MYT1L: variants seen among roughly 807,000 people sequenced by gnomAD.
MYT1L encodes the protein myelin transcription factor 1-like protein.
MYT1L carries 12 observed loss-of-function variants against 126.7 expected under a neutral mutation model. That is an observed-to-expected ratio of 0.09 (90% CI 0.06 to 0.15). The LOEUF is 0.15. Ranked by LOEUF, MYT1L falls within the 10% of genes least tolerant of loss-of-function variation. The probability of loss-of-function intolerance (pLI) is 1.00; values close to 1 mark genes in which losing one functional copy is unlikely to be tolerated. For synonymous variants in MYT1L, 541 were observed against 604.2 expected (o/e 0.90, Z 1.53); for missense variants, 979 against 1,585.2 (o/e 0.62, Z 6.49).
At chr2:2,122,189 C>T (rs575421615) in intron 3 of MYT1L, among the ~76,000 whole-genome samples, 4 of 152,300 alleles carry the variant, frequency 2.6e-5, no homozygotes, top group South Asian at 2.1e-4. Flanking sequence ...GTGTGGGCAC[C>T]GGCTCCAGAC....
chr2:2,198,880 A>C (rs548968454), intron 2 of MYT1L, among the ~76,000 whole-genome samples: 1 of 152,146 alleles, frequency 6.6e-6, no homozygotes, highest in Non-Finnish European at 1.5e-5. Flanking sequence ...TAATAAAAAT[A>C]CCATAGACCA....
rs539702096 is a variant in MYT1L, at chr2:2,246,431, C to T, written c.-421+37973G>A. Among the ~76,000 whole-genome samples, 6 of 152,156 alleles carry T rather than the reference C, an allele frequency of 3.9e-5. No individual in the cohort carries two copies. The South Asian group carries it at 8.3e-4, about 21-fold the overall frequency. On this transcript the variant is annotated intron_variant, in intron 2 of 24. Coordinates refer to ENST00000647738, the MANE Select transcript of MYT1L (RefSeq NM_001303052.2). ...TGTGGCTGAAATGAGCTGTGTGTGC[C>T]GCAATGGAACACCATGAGACGGGTA...
At chr2:2,134,697 T>C (rs2082816180) in intron 3 of MYT1L, among the ~76,000 whole-genome samples, 2 of 152,180 alleles carry the variant, frequency 1.3e-5, no homozygotes, top group Admixed American at 6.5e-5. Flanking sequence ...ACAACAGATT[T>C]GCCAGCACTT....
intron 19 of MYT1L, among the ~76,000 whole-genome samples, chr2:1,845,825 A>G (rs1163274155): frequency 6.6e-6 from 1 of 152,226 alleles, no homozygotes; most frequent in Non-Finnish European, 1.5e-5. Flanking sequence ...ACTGTTGCCA[A>G]ACTGAATTAT....
At position 2,164,314 on chromosome 2, in the gene MYT1L, T is replaced by C. The variant is rs141457623; in HGVS notation, c.-304+8558A>G. Among the ~76,000 whole-genome samples, 31 of 152,346 alleles carry C rather than the reference T, an allele frequency of 2.0e-4. 2 individuals are homozygous for C. Among genetic ancestry groups the C allele is most frequent in the African/African-American group, 6.7e-4 (28 of 41,580 alleles). ...CTTCCTTCCTGTGGTTTTACTTTTT[T>C]AGGTCTTTTAAGTATTCCCTTGGAA... On this transcript the variant is annotated intron_variant, in intron 3 of 24. Coordinates refer to ENST00000647738, the MANE Select transcript of MYT1L (RefSeq NM_001303052.2).
At chr2:2,078,400 GAAAC>G (rs764244614) in intron 3 of MYT1L, among the ~76,000 whole-genome samples, 52 of 152,156 alleles carry the variant, frequency 3.4e-4, no homozygotes, top group African/African-American at 9.6e-4. Flanking sequence ...GAATAGATTT[GAAAC>G]AAACAAACAA....
At chr2:2,151,633 C>T (rs1336628117) in intron 3 of MYT1L, among the ~76,000 whole-genome samples, 4 of 152,298 alleles carry the variant, frequency 2.6e-5, no homozygotes, top group South Asian at 2.1e-4. Context: ...CATAAAATCT[C>T]GGATAGTACC....
chr2:2,207,873 C>T (rs1390560915), intron 2 of MYT1L, among the ~76,000 whole-genome samples: 1 of 152,180 alleles, frequency 6.6e-6, no homozygotes, highest in Non-Finnish European at 1.5e-5. Flanking sequence ...AGCACCTACA[C>T]CAGGAACCTG....
chr2:2,022,919 C>T (rs955242388), intron 4 of MYT1L, among the ~76,000 whole-genome samples: 7 of 152,204 alleles, frequency 4.6e-5, no homozygotes, highest in Non-Finnish European at 1.0e-4. Flanking sequence ...GCCACAGATA[C>T]TCAGAGGCCA....
chr2:2,191,609 T>C (rs1351010199), intron 2 of MYT1L, among the ~76,000 whole-genome samples: 3 of 152,186 alleles, frequency 2.0e-5, no homozygotes, highest in East Asian at 1.9e-4. Flanking sequence ...GGTGTGCATG[T>C]GGACAGTTGG....
chr2:2,179,400 C>G (rs972724574), intron 2 of MYT1L, among the ~76,000 whole-genome samples: 1 of 152,202 alleles, frequency 6.6e-6, no homozygotes, highest in Non-Finnish European at 1.5e-5. Context: ...CCCTACCAGA[C>G]CCCGAAACCT....
rs572716394 is a variant in MYT1L at position 2,086,050 on chromosome 2, G to A, written c.-303-31927C>T. On this transcript the variant is annotated intron_variant, in intron 3 of 24. Coordinates refer to ENST00000647738, the MANE Select transcript of MYT1L (RefSeq NM_001303052.2). ...TTCTGTTGGATCTCATTCTGATTTCGAAGAAAAATGAAGGACTACATCACT... is the reference window on the plus strand; with the variant it reads ...TTCTGTTGGATCTCATTCTGATTTCAAAGAAAAATGAAGGACTACATCACT... Among the ~76,000 whole-genome samples, 92 of 152,220 alleles carry A rather than the reference G, an allele frequency of 6.0e-4. 1 individual carries two copies. The highest frequency in any genetic ancestry group is 1.8e-3 in the Admixed American group (28 of 15,286).
At chr2:2,325,715 C>T (rs1180379920) in intron 1 of MYT1L, 1 of 152,290 alleles carries the variant, frequency 6.6e-6, no homozygotes, top group Non-Finnish European at 1.5e-5. Flanking sequence ...ACCCTCGCCC[C>T]AGGAAACTAG....
chr2:1,964,486 A>G lies in MYT1L; in HGVS notation c.152+14679T>C, dbSNP rs567362239. On this transcript the variant is annotated intron_variant, in intron 8 of 24. Transcript: ENST00000647738. The stretch of plus-strand genomic sequence containing the variant: ...AATCAGAACTTCACTGCAAACTGCA[A>G]TAAAGCAACGTGCAATAAACAGGGT... Among the ~76,000 whole-genome samples the G allele has an allele frequency of 5.9e-5, 9 of 152,354 alleles. No homozygotes were observed. The South Asian group carries it at 1.9e-3, about 32-fold the overall frequency.
chr2:2,018,864 G>T (rs867181689), intron 4 of MYT1L, among the ~76,000 whole-genome samples: 1 of 152,124 alleles, frequency 6.6e-6, no homozygotes. Flanking sequence ...GAGAGAGAAC[G>T]CCTCCTAAGG....
At chr2:2,100,186 G>T (rs2077894544) in intron 3 of MYT1L, among the ~76,000 whole-genome samples, 1 of 151,880 alleles carries the variant, frequency 6.6e-6, no homozygotes, top group Admixed American at 6.6e-5. Context: ...TTGAGCCAGG[G>T]TTTTTTTTAA....
chr2:2,210,264 G>C (rs2093458572), intron 2 of MYT1L, among the ~76,000 whole-genome samples: 1 of 152,072 alleles, frequency 6.6e-6, no homozygotes, highest in Non-Finnish European at 1.5e-5. Context: ...GATCCCATTT[G>C]TCGATTTCTG....
chr2:1,874,614 C>T (rs1478296435), intron 18 of MYT1L, among the ~76,000 whole-genome samples: 3 of 152,190 alleles, frequency 2.0e-5, no homozygotes, highest in Non-Finnish European at 2.9e-5. Flanking sequence ...TCCTCCATCA[C>T]CTGCTCCCCC....
At chr2:1,853,323 A>G (rs902101670) in intron 18 of MYT1L, among the ~76,000 whole-genome samples, 5 of 152,212 alleles carry the variant, frequency 3.3e-5, no homozygotes, top group Non-Finnish European at 5.9e-5. Context: ...AGGTATTTCA[A>G]ACAGCGTCTG....
Sources: gnomAD v4.1 joint callset for allele counts (sites outside exome capture counted in the v4.1 genomes callset) on GRCh38, gnomAD v4.1.1 for gene constraint, MANE v1.5 for transcripts, NCBI Gene and HGNC (gene_info 2026-07-23, HGNC 2026-07-21) for gene names.